The following RIN3 variants were observed in gnomAD, a reference collection of about 807,000 sequenced individuals.
RIN3 encodes RAB5 interacting protein 3.
RIN3 carries 54 observed loss-of-function variants against 76.3 expected under a neutral mutation model. The ratio of observed to expected loss-of-function variants is 0.71; its 90% CI spans 0.57 to 0.89. The LOEUF is 0.89. Among genes scored for constraint, RIN3 ranks in the 40% least tolerant of loss-of-function variants. RIN3 has a pLI of 0.00. For missense variants in RIN3, 1,256 were observed against 1,322.1 expected, an observed-to-expected ratio of 0.95 and a Z score of 0.78; for synonymous variants, 576 against 564.0, an observed-to-expected ratio of 1.02 and a Z score of -0.30.
intron 2 of RIN3, among the ~76,000 whole-genome samples, chr14:92,557,636 C>T (rs1897632992): frequency 2.0e-5 from 3 of 152,204 alleles, no homozygotes; most frequent in South Asian, 2.1e-4. Context: ...CTACAGAGGC[C>T]CCTGTCACAG....
chr14:92,578,234 TAAAAAAAAAAAA>T (rs777276864), intron 3 of RIN3, among the ~76,000 whole-genome samples: 2 of 100,896 alleles, frequency 2.0e-5, no homozygotes, highest in African/African-American at 7.4e-5. Flanking sequence ...AGATCTGGCC[TAAAAAAAAAAAA>T]AAAGAAAAAA....
chr14:92,574,786 T>C (rs1475348372), intron 2 of RIN3, among the ~76,000 whole-genome samples: 1 of 152,160 alleles, frequency 6.6e-6, no homozygotes, highest in African/African-American at 2.4e-5. Flanking sequence ...TGGTGACTAA[T>C]GATTCATTGT....
chr14:92,542,350 C>G (rs988141736), intron 1 of RIN3, among the ~76,000 whole-genome samples: 1 of 151,884 alleles, frequency 6.6e-6, no homozygotes. Context: ...AACTGCAAAT[C>G]AAAACCGCAA....
In RIN3 at chr14:92,651,605, C is replaced by A. The variant is rs967095052; in HGVS notation, c.556C>A (p.Pro186Thr). Residue 186 changes from proline to threonine, a missense_variant, in exon 6 of 10, where the codon CCT becomes ACT. Around this residue, in one of 3 missense-constraint regions of RIN3, gnomAD observed 610 missense variants for 626.4 expected, o/e 0.97. Transcript: ENST00000216487. The stretch of plus-strand genomic sequence containing the variant: ...AGGTTTCTGGGACTCCTCGCTGAAT[C>A]CTCCACAAGAAAGAGGGAAGCCAGC... ...GLGFWDSSLN[P>T]PQERGKPAEP... is the part of the protein sequence containing the mutation. 7.7e-6 allele frequency: 12 copies of A among 1,549,124 alleles called. No individual in the cohort carries two copies. In the African/African-American group the frequency reaches 8.3e-5, roughly 11 times the overall value.
At chr14:92,542,920 G>A (rs1027850211) in intron 1 of RIN3, among the ~76,000 whole-genome samples, 13 of 152,244 alleles carry the variant, frequency 8.5e-5, no homozygotes, top group Non-Finnish European at 1.6e-4. Context: ...TGGTTGCCTC[G>A]GGCTAGAGGG....
chr14:92,527,611 C>T (rs1397163023), intron 1 of RIN3, among the ~76,000 whole-genome samples: 1 of 152,178 alleles, frequency 6.6e-6, no homozygotes, highest in Non-Finnish European at 1.5e-5. Context: ...ACTGCCACTG[C>T]AGTCAAGACA....
intron 3 of RIN3, among the ~76,000 whole-genome samples, chr14:92,584,081 G>T (rs1884673229): frequency 6.6e-6 from 1 of 152,100 alleles, no homozygotes; most frequent in Non-Finnish European, 1.5e-5. Context: ...ACAGGAGGAC[G>T]TGCATACGTT....
At chr14:92,650,023 C>T (rs566470044) in intron 5 of RIN3, among the ~76,000 whole-genome samples, 6 of 152,312 alleles carry the variant, frequency 3.9e-5, no homozygotes, top group South Asian at 4.1e-4. Flanking sequence ...TGCCTACATC[C>T]CTGATAGTGC....
At chr14:92,686,331 T>C (rs1449876004) in intron 9 of RIN3, 2 of 152,230 alleles carry the variant, frequency 1.3e-5, no homozygotes, top group African/African-American at 2.4e-5. Flanking sequence ...GGCTAATCAA[T>C]TTAATAACTG....
chr14:92,664,927 T>C (rs1258052618), intron 7 of RIN3, among the ~76,000 whole-genome samples: 1 of 152,242 alleles, frequency 6.6e-6, no homozygotes, highest in Non-Finnish European at 1.5e-5. Flanking sequence ...TTCCCCCTCA[T>C]GTTCAGGATC....
chr14:92,622,814 C>G (rs757414626), intron 4 of RIN3, among the ~76,000 whole-genome samples: 1 of 152,212 alleles, frequency 6.6e-6, no homozygotes, highest in Non-Finnish European at 1.5e-5. Context: ...TAGAATAGAA[C>G]AAAGAACCAG....
At chr14:92,656,000 A>T (rs923279100) in intron 6 of RIN3, among the ~76,000 whole-genome samples, 6 of 152,194 alleles carry the variant, frequency 3.9e-5, no homozygotes, top group Non-Finnish European at 8.8e-5. Context: ...AAAAGGAGCC[A>T]TGAGACTGGA....
chr14:92,601,905 T>C (rs1357279906), intron 3 of RIN3, among the ~76,000 whole-genome samples: 1 of 152,258 alleles, frequency 6.6e-6, no homozygotes, highest in Non-Finnish European at 1.5e-5. Flanking sequence ...CCTGGCTGCA[T>C]TGTGACAGTT....
chr14:92,687,736 G>A, intron 9 of RIN3, 190 bp from the exon 10 acceptor site: 2 of 552,060 alleles, frequency 3.6e-6, no homozygotes, highest in Middle Eastern at 4.8e-4. Context: ...GGCCCAGCTG[G>A]GAAGCCAGGC....
At chr14:92,651,449 CAACCT>C in intron 5 of RIN3, 128 bp from the exon 6 acceptor site, 1 of 446,776 alleles carries the variant, frequency 2.2e-6, no homozygotes, top group Non-Finnish European at 3.7e-6. Context: ...AAAACAACCT[CAACCT>C]CGGAGTAGTG....
chr14:92,682,322 T>A (rs1379920104), intron 8 of RIN3, among the ~76,000 whole-genome samples: 2 of 152,150 alleles, frequency 1.3e-5, no homozygotes, highest in Non-Finnish European at 2.9e-5. Context: ...CTGGTGGAGA[T>A]GTGTGGGCCA....
chr14:92,537,452 G>A lies in RIN3; in HGVS notation c.45-18299G>A, dbSNP rs530286038. Among the ~76,000 whole-genome samples, 9 of 152,184 alleles carry A rather than the reference G, an allele frequency of 5.9e-5. No homozygotes were observed. In the South Asian group the frequency reaches 1.9e-3, roughly 32 times the overall value. On this transcript the variant is annotated intron_variant, in intron 1 of 9. Coordinates refer to ENST00000216487, the MANE Select transcript of RIN3 (RefSeq NM_024832.5). ...CAGACAATGCTCCCCTGAATCCAGTGAGCACTTTTGTCTGTGCGTCATTTT... is the reference window on the plus strand; with the variant it reads ...CAGACAATGCTCCCCTGAATCCAGTAAGCACTTTTGTCTGTGCGTCATTTT...
At chr14:92,670,400 G>A (rs1888249642) in intron 7 of RIN3, among the ~76,000 whole-genome samples, 1 of 152,186 alleles carries the variant, frequency 6.6e-6, no homozygotes, top group South Asian at 2.1e-4. Context: ...CAAGACAGAT[G>A]TTCAGCTCAC....
rs1198472435 is a variant in RIN3 at position 92,514,557 on chromosome 14, GGT to G, written c.44+583_44+584del. 6.6e-6 allele frequency among the ~76,000 whole-genome samples: 1 copy of G among 152,236 alleles called. No individual in the cohort carries two copies. The highest frequency in any genetic ancestry group is 1.9e-4 in the East Asian group (1 of 5,182). On this transcript the variant is annotated intron_variant, in intron 1 of 9. Coordinates refer to ENST00000216487, the MANE Select transcript of RIN3 (RefSeq NM_024832.5). This position sits in a 1 kb window ranked among gnomAD's most constrained non-coding sequence, Gnocchi z 7.2. ...CCGCCCCTCTGCCCTGGCCGTAGAC[GGT>G]GACCTTCGGACCGGCCCTGGTCGAG...
Sources: allele counts gnomAD v4.1 joint callset (sites outside exome capture counted in the v4.1 genomes callset), GRCh38; gene constraint gnomAD v4.1.1; regional missense constraint gnomAD v4.1.1; non-coding constraint Gnocchi (gnomAD v3.1); transcripts MANE v1.5; gene names NCBI Gene and HGNC (gene_info 2026-07-23, HGNC 2026-07-21).